PDE10A: variants seen among roughly 807,000 people sequenced by gnomAD.
The protein encoded by PDE10A is phosphodiesterase 10A.
PDE10A carries 39 observed loss-of-function variants against 97.7 expected under a neutral mutation model. That is an observed-to-expected ratio of 0.40 (90% CI 0.31 to 0.52). PDE10A has a LOEUF of 0.52. PDE10A is among the 20% of genes least tolerant of loss of function. The probability of loss-of-function intolerance (pLI) is 0.56; values close to 1 mark genes in which losing one functional copy is unlikely to be tolerated. For missense variants in PDE10A, 731 were observed against 1,047.8 expected (o/e 0.70, Z 4.17); for synonymous variants, 371 against 376.8 (o/e 0.98, Z 0.18).
chr6:165,366,861 C>G (rs1464626632), intron 18 of PDE10A, among the ~76,000 whole-genome samples: 1 of 152,148 alleles, frequency 6.6e-6, no homozygotes, highest in African/African-American at 2.4e-5. Context: ...AGAAATGCAA[C>G]TGGCCACTAG....
At chr6:165,846,234 AT>A (rs1207142786) in intron 1 of PDE10A, among the ~76,000 whole-genome samples, 1 of 152,204 alleles carries the variant, frequency 6.6e-6, no homozygotes, top group Admixed American at 6.5e-5. Flanking sequence ...GCCCTGTGGA[AT>A]AGGGGCCATG....
At chr6:165,414,844 T>C (rs529892401) in intron 12 of PDE10A, among the ~76,000 whole-genome samples, 1 of 152,332 alleles carries the variant, frequency 6.6e-6, no homozygotes, top group Non-Finnish European at 1.5e-5. Context: ...TGTTTGCTAA[T>C]GCCAATGTTT....
chr6:165,470,894 T>C (rs1778959225), intron 3 of PDE10A, among the ~76,000 whole-genome samples: 2 of 152,204 alleles, frequency 1.3e-5, no homozygotes, highest in Admixed American at 1.3e-4. Flanking sequence ...ATTTATCCCA[T>C]ATTTTAAGAG....
chr6:165,577,443 C>T (rs1327477148), intron 1 of PDE10A, among the ~76,000 whole-genome samples: 1 of 152,172 alleles, frequency 6.6e-6, no homozygotes, highest in Admixed American at 6.5e-5. Context: ...TCTGGGAAGT[C>T]TTCTAGGGCT....
At chr6:165,513,081 T>A (rs918947726) in intron 2 of PDE10A, among the ~76,000 whole-genome samples, 6 of 152,046 alleles carry the variant, frequency 3.9e-5, no homozygotes, top group African/African-American at 9.6e-5. Flanking sequence ...ACTGTTTTTT[T>A]AAAATTTTTT....
chr6:165,426,022 A>C (rs1321081376), intron 10 of PDE10A, among the ~76,000 whole-genome samples: 1 of 152,090 alleles, frequency 6.6e-6, no homozygotes, highest in Non-Finnish European at 1.5e-5. Flanking sequence ...AAAACACAAA[A>C]CACCATTGAA....
intron 2 of PDE10A, among the ~76,000 whole-genome samples, chr6:165,502,845 AG>A (rs1263287749): frequency 2.0e-5 from 3 of 152,182 alleles, no homozygotes; most frequent in Non-Finnish European, 4.4e-5. Flanking sequence ...AGGAGGGTGG[AG>A]GGTGTAGGAG....
chr6:165,516,893 T>A (rs549904491), intron 2 of PDE10A, among the ~76,000 whole-genome samples: 54 of 152,294 alleles, frequency 3.5e-4, no homozygotes, highest in Non-Finnish European at 7.2e-4. Context: ...CTAAAAATGA[T>A]TCACTGTGAT....
chr6:165,879,419 C>T (rs760390347), intron 1 of PDE10A, among the ~76,000 whole-genome samples: 10 of 152,196 alleles, frequency 6.6e-5, no homozygotes, highest in Non-Finnish European at 1.0e-4. Context: ...TGTCTGTTGT[C>T]GCCTGACTGT....
intron 1 of PDE10A, among the ~76,000 whole-genome samples, chr6:165,957,240 GA>G (rs1207014812): frequency 6.6e-6 from 1 of 152,170 alleles, no homozygotes; most frequent in Non-Finnish European, 1.5e-5. Flanking sequence ...CAGCACTTTG[GA>G]AGGCCAAAGT....
chr6:165,870,203 A>T (rs1302621059), intron 1 of PDE10A, among the ~76,000 whole-genome samples: 2 of 152,178 alleles, frequency 1.3e-5, no homozygotes, highest in Non-Finnish European at 2.9e-5. Context: ...CTACTCTTCC[A>T]ACCATGGACT....
chr6:165,716,168 G>A (rs560391577), intron 1 of PDE10A, among the ~76,000 whole-genome samples: 2 of 152,318 alleles, frequency 1.3e-5, no homozygotes, highest in South Asian at 4.1e-4. Flanking sequence ...TGGAGTGAGA[G>A]GCCTTCTGGG....
intron 1 of PDE10A, among the ~76,000 whole-genome samples, chr6:165,574,258 TAA>T (rs67675157): frequency 1.4e-5 from 2 of 142,750 alleles, no homozygotes; most frequent in Non-Finnish European, 1.5e-5. Context: ...TTACATTCTT[TAA>T]AAAAAAAAAA....
rs537681973 is a variant in PDE10A, at chr6:165,796,795, T to C, written c.-615+190734A>G. ...TGTGCCTTGGGTTTCAAATAGTCTA[T>C]AAAGCCTCACACCAGCCCCAGCCCC... On this transcript the variant is annotated intron_variant, in intron 1 of 19. Coordinates refer to the PDE10A transcript ENST00000366882. 2.6e-5 allele frequency among the ~76,000 whole-genome samples: 4 copies of C among 152,302 alleles called. No homozygotes were observed. The South Asian group carries it at 6.2e-4, about 24-fold the overall frequency.
intron 1 of PDE10A, among the ~76,000 whole-genome samples, chr6:165,625,728 T>C (rs796891203): frequency 6.6e-5 from 10 of 152,062 alleles, no homozygotes; most frequent in African/African-American, 1.9e-4. Context: ...CTTGCTGCCA[T>C]GTAAGAAGTG....
chr6:165,959,829 C>G (rs1437155987), intron 1 of PDE10A, among the ~76,000 whole-genome samples: 13 of 152,068 alleles, frequency 8.5e-5, no homozygotes, highest in Admixed American at 7.9e-4. Flanking sequence ...GGAGGGCCAC[C>G]CTGGAGAGCT....
At chr6:165,732,035 C>A (rs527724738) in intron 1 of PDE10A, among the ~76,000 whole-genome samples, 2 of 152,278 alleles carry the variant, frequency 1.3e-5, no homozygotes, top group Admixed American at 1.3e-4. Context: ...ACTGGATGCA[C>A]CACTGGATAA....
chr6:165,913,091 A>G (rs1258581231), intron 1 of PDE10A, among the ~76,000 whole-genome samples: 5 of 152,214 alleles, frequency 3.3e-5, no homozygotes, highest in African/African-American at 2.4e-5. Context: ...AAATTATTAC[A>G]TAAAACTACC....
chr6:165,857,492 C>T (rs1460620052), intron 1 of PDE10A, among the ~76,000 whole-genome samples: 1 of 152,218 alleles, frequency 6.6e-6, no homozygotes, highest in African/African-American at 2.4e-5. Context: ...GTGCAGAGAA[C>T]TGCAAACCCT....
Sources: gnomAD v4.1 joint callset for allele counts (sites outside exome capture counted in the v4.1 genomes callset) on GRCh38, gnomAD v4.1.1 for gene constraint, MANE v1.5 for transcripts, NCBI Gene and HGNC (gene_info 2026-07-23, HGNC 2026-07-21) for gene names.